RANBP2: variants seen among roughly 807,000 people sequenced by gnomAD.
RANBP2 encodes the protein E3 SUMO-protein ligase RanBP2.
A neutral mutation model predicts 303.6 loss-of-function variants in RANBP2; 57 were observed. That is an observed-to-expected ratio of 0.19 (90% CI 0.15 to 0.23). The LOEUF (loss-of-function observed/expected upper bound fraction) is 0.23. RANBP2 is among the 10% of genes least tolerant of loss of function. The pLI is 1.00. For synonymous variants in RANBP2, 1,167 were observed against 1,301.5 expected, an observed-to-expected ratio of 0.90 and a Z score of 2.23; for missense variants, 3,138 against 3,780.8, an observed-to-expected ratio of 0.83 and a Z score of 4.46.
the RANBP2 span, among the ~76,000 whole-genome samples, chr2:109,513,792 T>A: frequency 2.0e-5 from 3 of 152,182 alleles, no homozygotes; most frequent in Non-Finnish European, 4.4e-5. Context: ...CTACAGAGGA[T>A]GTGGCCAGGG....
chr2:108,731,870 G>A (rs546734822), intron 4 of RANBP2: 3 of 204,344 alleles, frequency 1.5e-5, no homozygotes, highest in South Asian at 7.9e-5. Context: ...AAAGTAGAAG[G>A]GATTGCATTT....
At chr2:109,673,347 A>G in the RANBP2 span, among the ~76,000 whole-genome samples, 7 of 152,258 alleles carry the variant, frequency 4.6e-5, no homozygotes, top group Non-Finnish European at 1.0e-4. Context: ...ACATGAGAGG[A>G]CCTAAGGTAA....
the RANBP2 span, among the ~76,000 whole-genome samples, chr2:109,499,339 G>C: frequency 1.3e-5 from 2 of 152,228 alleles, no homozygotes; most frequent in Non-Finnish European, 2.9e-5. Flanking sequence ...GGGACCGTCA[G>C]CCAGGGGTTT....
At chr2:109,032,359 T>C in the RANBP2 span, among the ~76,000 whole-genome samples, 1 of 152,164 alleles carries the variant, frequency 6.6e-6, no homozygotes. Context: ...AGAAAAGGGT[T>C]AGAACTTTAG....
At chr2:109,123,897 T>C in the RANBP2 span, among the ~76,000 whole-genome samples, 6 of 152,206 alleles carry the variant, frequency 3.9e-5, no homozygotes, top group African/African-American at 1.2e-4. Flanking sequence ...AATTTATAGG[T>C]TGTTGAATTA....
chr2:109,695,291 A>G, the RANBP2 span, among the ~76,000 whole-genome samples: 3 of 152,176 alleles, frequency 2.0e-5, no homozygotes, highest in South Asian at 6.2e-4. Flanking sequence ...GTTAATGTCT[A>G]TTGACTTTTC....
chr2:108,809,528 G>A, the RANBP2 span, among the ~76,000 whole-genome samples: 31 of 151,504 alleles, frequency 2.0e-4, no homozygotes, highest in East Asian at 1.8e-3. Flanking sequence ...AGTTTTCATC[G>A]TGGAAATCTT....
the RANBP2 span, among the ~76,000 whole-genome samples, chr2:109,324,923 C>T: frequency 1.3e-5 from 2 of 152,218 alleles, no homozygotes; most frequent in Non-Finnish European, 2.9e-5. Flanking sequence ...ACCCTCTCCT[C>T]TTGCCATTCC....
In RANBP2 at chr2:108,764,120, T is replaced by A; in HGVS notation, c.3581T>A (p.Phe1194Tyr). The A allele has an allele frequency of 6.2e-7, 1 of 1,614,042 alleles. No individual in the cohort carries two copies. The highest frequency in any genetic ancestry group is 1.1e-5 in the South Asian group (1 of 91,078). The change falls in exon 20 of 29, where the codon TTC becomes TAC. Residue 1194 changes from phenylalanine to tyrosine, a missense_variant. This residue lies in a region of RANBP2 where 403 missense variants were observed against 376.7 expected (regional missense o/e 1.07). Coordinates refer to ENST00000283195, the MANE Select transcript of RANBP2 (RefSeq NM_006267.5). ...ACTGGTGAGGAAGATGAAGAAGAAT[T>A]CTTTTGCAACCGCGCGAAATTGTTT... Reference protein sequence around the residue: ...VKTGEEDEEEFFCNRAKLFRF... With the variant: ...VKTGEEDEEEYFCNRAKLFRF...
At chr2:109,498,871 G>A in the RANBP2 span, among the ~76,000 whole-genome samples, 2 of 152,310 alleles carry the variant, frequency 1.3e-5, no homozygotes, top group Admixed American at 6.5e-5. Context: ...ACAGGGAAGG[G>A]CGTTCTGGGC....
chr2:109,520,033 C>G, the RANBP2 span, among the ~76,000 whole-genome samples: 1 of 152,156 alleles, frequency 6.6e-6, no homozygotes, highest in African/African-American at 2.4e-5. Flanking sequence ...CCGGTGTGCA[C>G]GCACACACAT....
the RANBP2 span, among the ~76,000 whole-genome samples, chr2:108,930,570 C>T: frequency 1.3e-5 from 2 of 152,278 alleles, no homozygotes; most frequent in East Asian, 3.9e-4. Context: ...CTGTCCCCCA[C>T]TGAGCCTCTA....
At chr2:109,271,963 A>T in the RANBP2 span, among the ~76,000 whole-genome samples, 2 of 152,196 alleles carry the variant, frequency 1.3e-5, no homozygotes, top group African/African-American at 4.8e-5. Context: ...CAACATGGTG[A>T]TGGATAATTT....
the RANBP2 span, among the ~76,000 whole-genome samples, chr2:109,553,602 C>T: frequency 6.6e-5 from 10 of 151,360 alleles, no homozygotes; most frequent in Middle Eastern, 6.9e-3. Flanking sequence ...CCTGTAATCC[C>T]AGCACTTTGG....
chr2:109,547,770 A>G, the RANBP2 span, among the ~76,000 whole-genome samples: 1,805 of 152,324 alleles, frequency 0.012, 18 homozygotes, highest in South Asian at 0.018. Flanking sequence ...GAAAACATCT[A>G]TCTAACGTTT....
intron 23 of RANBP2, among the ~76,000 whole-genome samples, chr2:108,774,697 CTA>C (rs1027484076): frequency 6.1e-5 from 9 of 147,318 alleles, no homozygotes; most frequent in African/African-American, 2.2e-4. Context: ...CACTTTTTTT[CTA>C]GTTTCTTTTT....
At chr2:109,393,836 G>C in the RANBP2 span, among the ~76,000 whole-genome samples, 1 of 151,842 alleles carries the variant, frequency 6.6e-6, no homozygotes, top group Non-Finnish European at 1.5e-5. Context: ...TCATGTTACA[G>C]CTGCTGTCCT....
the RANBP2 span, among the ~76,000 whole-genome samples, chr2:108,885,951 T>C: frequency 6.6e-6 from 1 of 152,256 alleles, no homozygotes; most frequent in Non-Finnish European, 1.5e-5. Context: ...TCATTCTTTT[T>C]GTGGCTGAAT....
At chr2:109,617,617 G>C in the RANBP2 span, 3 of 166,952 alleles carry the variant, frequency 1.8e-5, no homozygotes, top group African/African-American at 7.2e-5. Context: ...CAGCCTGCGG[G>C]GTGAATGAAC....
Sources: gnomAD v4.1 joint callset for allele counts (sites outside exome capture counted in the v4.1 genomes callset) on GRCh38, gnomAD v4.1.1 for gene constraint, gnomAD v4.1.1 regional missense constraint, MANE v1.5 for transcripts, NCBI Gene and HGNC (gene_info 2026-07-23, HGNC 2026-07-21) for gene names.